OTUD1: variants seen among roughly 807,000 people sequenced by gnomAD.
The protein encoded by OTUD1 is OTU domain-containing protein 1.
Under a neutral mutation model 30.0 loss-of-function variants are expected in OTUD1, and 15 were observed. The observed-to-expected ratio is 0.50, with a 90% CI of 0.33 to 0.77. OTUD1 has a LOEUF of 0.77. Ranked by LOEUF, OTUD1 falls within the 30% of genes least tolerant of loss-of-function variation. The probability of loss-of-function intolerance (pLI) is 0.02; values close to 1 mark genes in which losing one functional copy is unlikely to be tolerated. For missense variants in OTUD1, 796 were observed against 697.8 expected (o/e 1.14, Z -1.59); for synonymous variants, 381 against 326.3 (o/e 1.17, Z -1.81).
Position 23,439,962 on chromosome 10 carries a change from G to A in OTUD1, c.505G>A (p.Glu169Lys), listed in dbSNP as rs1847108996. The A allele has an allele frequency of 1.6e-6, 2 of 1,277,510 alleles. No homozygotes were observed. Among genetic ancestry groups the A allele is most frequent in the East Asian group, 6.4e-5 (2 of 31,412 alleles). 79.1% of individuals were successfully genotyped at this position (1,277,510 alleles called of 1,614,324 possible). The change falls in exon 1 of 1, where the codon GAG becomes AAG. Residue 169 changes from glutamate to lysine, a missense_variant. Transcript: ENST00000376495. Reference sequence around the variant, plus strand: ...GCGGGGCTCCTCGGCCTGGCTCCTGGAGGAGCTGCTGCGGCCCGACTGCCC... The same window carrying A: ...GCGGGGCTCCTCGGCCTGGCTCCTGAAGGAGCTGCTGCGGCCCGACTGCCC... The part of the protein sequence containing the change: ...PRRGSSAWLL[E>K]ELLRPDCPEP...
Position 23,439,751 on chromosome 10 carries a change from G to T in OTUD1, c.294G>T (p.Ala98=), listed in dbSNP as rs1208169382. The T allele has an allele frequency of 1.7e-6, 2 of 1,163,920 alleles. No homozygotes were observed. The highest frequency in any genetic ancestry group is 1.7e-5 in the African/African-American group (1 of 60,598). 72.1% of individuals were successfully genotyped at this position (1,163,920 alleles called of 1,614,324 possible). ...PASAAAGPPG[A]SCKPPLPPHY... ...CCGCCGCCGCCGGCCCGCCCGGCGC[G>T]TCCTGCAAGCCGCCGCTGCCGCCGC... The change falls in exon 1 of 1, where the codon GCG becomes GCT. Residue 98 remains alanine, a synonymous_variant. Transcript: ENST00000376495.
In OTUD1 at chr10:23,439,543, C is replaced by G; in HGVS notation, c.86C>G (p.Ala29Gly). The change falls in exon 1 of 1, where the codon GCT becomes GGT. Residue 29 changes from alanine (A) to glycine (G), a missense_variant. Physicochemically the swap from Ala to Gly is moderately conservative, Grantham distance 60. Coordinates refer to ENST00000376495, the MANE Select transcript of OTUD1 (RefSeq NM_001145373.3). ...TAAAPAPPAA[A>G]TPFKVSLQPP... is the part of the protein sequence containing the mutation. Reference sequence around the variant, plus strand: ...GCCGCCCCCGCGCCACCCGCCGCCGCTACCCCCTTCAAGGTCTCGCTGCAG... The same window carrying G: ...GCCGCCCCCGCGCCACCCGCCGCCGGTACCCCCTTCAAGGTCTCGCTGCAG... 2 of 1,381,798 alleles carry G rather than the reference C, an allele frequency of 1.4e-6. No homozygotes were observed. The highest frequency in any genetic ancestry group is 1.9e-6 in the Non-Finnish European group (2 of 1,066,276). The allele number at this position is 1,381,798 out of a possible 1,614,324, so 85.6% of individuals were successfully genotyped here.
rs1272569550 is a variant in OTUD1, at chr10:23,440,966, A to T, written c.*63A>T. On this transcript the variant is annotated 3_prime_UTR_variant, in exon 1 of 1. Transcript: ENST00000376495. Reference sequence around the variant, plus strand: ...ATATAACTTGTGTTTGGAGAATCACATGAACTTTAATCAGGGTAATAGCAC... The same window carrying T: ...ATATAACTTGTGTTTGGAGAATCACTTGAACTTTAATCAGGGTAATAGCAC... 1.4e-5 allele frequency: 21 copies of T among 1,469,966 alleles called. No homozygotes were observed. Among genetic ancestry groups the T allele is most frequent in the Non-Finnish European group, 1.8e-5 (20 of 1,096,244 alleles). 91.1% of individuals were successfully genotyped at this position (1,469,966 alleles called of 1,614,324 possible). A position where few individuals can be genotyped will look rare whatever the true frequency, so the allele number is the denominator to read the frequency against.
rs1489779395 is a variant in OTUD1 at position 23,440,616 on chromosome 10, A to T, written c.1159A>T (p.Met387Leu). Residue 387 changes from methionine (M) to leucine (L), a missense_variant, in exon 1 of 1, where the codon ATG becomes TTG. Physicochemically the swap from Met to Leu is conservative, Grantham distance 15 (BLOSUM62 2). Coordinates refer to ENST00000376495, the MANE Select transcript of OTUD1 (RefSeq NM_001145373.3). ...GYPELLAMGQ[M>L]LNVNIHLTTG... is the part of the protein sequence containing the mutation. The stretch of plus-strand genomic sequence containing the variant: ...CCCGGAGTTGCTGGCCATGGGGCAG[A>T]TGCTGAATGTGAATATCCATTTAAC... 6 of 1,551,642 alleles carry T rather than the reference A, an allele frequency of 3.9e-6. No homozygotes were observed. In the Admixed American group the frequency reaches 1.2e-4, roughly 30 times the overall value.
Position 23,440,291 on chromosome 10 carries a change from G to T in OTUD1, c.834G>T (p.Val278=). Residue 278 remains valine (V), a synonymous_variant, in exon 1 of 1, where the codon GTG becomes GTT. Coordinates refer to ENST00000376495, the MANE Select transcript of OTUD1 (RefSeq NM_001145373.3). Reference sequence around the variant, plus strand: ...CCCCGAGTAGTGCGGCGGAGCCGGTGATCGTCTCCAGGTCGGATCCCAGAG... The same window carrying T: ...CCCCGAGTAGTGCGGCGGAGCCGGTTATCGTCTCCAGGTCGGATCCCAGAG... The part of the protein sequence containing the change: ...EAAPSSAAEP[V]IVSRSDPRDE... The T allele has an allele frequency of 1.3e-6, 2 of 1,550,286 alleles. No homozygotes were observed. The highest frequency in any genetic ancestry group is 4.9e-5 in the East Asian group (2 of 40,918).
rs1332134209 is a variant in OTUD1, at chr10:23,440,214, C to G, written c.757C>G (p.Arg253Gly). The G allele has an allele frequency of 1.3e-6, 2 of 1,502,182 alleles. No homozygotes were observed. The highest frequency in any genetic ancestry group is 1.8e-6 in the Non-Finnish European group (2 of 1,123,700). 93.1% of individuals were successfully genotyped at this position (1,502,182 alleles called of 1,614,324 possible). The change falls in exon 1 of 1, where the codon CGG becomes GGG. Residue 253 changes from arginine to glycine, a missense_variant. Physicochemically the swap from Arg to Gly is moderately radical, Grantham distance 125. Transcript: ENST00000376495. ...RCDAPGGDAA[R>G]RPDPEAEAPP... is the part of the protein sequence containing the mutation. ...CGACGCGCCCGGTGGGGACGCGGCG[C>G]GGAGGCCCGACCCAGAGGCCGAGGC...
At position 23,441,777 on chromosome 10, in the gene OTUD1, CAAGAT is replaced by C. The variant is rs1847131849; in HGVS notation, c.*878_*882del. On this transcript the variant is annotated 3_prime_UTR_variant, in exon 1 of 1. Coordinates refer to ENST00000376495, the MANE Select transcript of OTUD1 (RefSeq NM_001145373.3). ...GTTAACATGGTATAAAACTCTGTGA[CAAGAT>C]AAGCCTCCTGCTTTATATAACTTCT... 1 of 167,014 alleles carries C rather than the reference CAAGAT, an allele frequency of 6.0e-6. No individual in the cohort carries two copies. The highest frequency in any genetic ancestry group is 2.1e-4 in the South Asian group (1 of 4,832). The allele number at this position is 167,014 out of a possible 1,614,324, so 10.3% of individuals were successfully genotyped here. A position where few individuals can be genotyped will look rare whatever the true frequency, so the allele number is the denominator to read the frequency against.
chr10:23,439,612 A>G lies in OTUD1; in HGVS notation c.155A>G (p.Glu52Gly), dbSNP rs1422260730. 7.7e-7 allele frequency: 1 copy of G among 1,304,460 alleles called. No individual in the cohort carries two copies. Among genetic ancestry groups the G allele is most frequent in the Non-Finnish European group, 9.8e-7 (1 of 1,025,374 alleles). The allele number at this position is 1,304,460 out of a possible 1,614,324, so 80.8% of individuals were successfully genotyped here. A position where few individuals can be genotyped will look rare whatever the true frequency, so the allele number is the denominator to read the frequency against. ...GCCGCGCCCGAGCCCGAGACCGGTGAGTGCCAGCCCGCCGCGGCCGCCGAG... is the reference window on the plus strand; with the variant it reads ...GCCGCGCCCGAGCCCGAGACCGGTGGGTGCCAGCCCGCCGCGGCCGCCGAG... ...AGAAPEPETG[E>G]CQPAAAAEHR... The change falls in exon 1 of 1, where the codon GAG becomes GGG. Residue 52 changes from glutamate (E) to glycine (G), a missense_variant. Physicochemically the swap from Glu to Gly is moderately conservative, Grantham distance 98. Coordinates refer to ENST00000376495, the MANE Select transcript of OTUD1 (RefSeq NM_001145373.3).
chr10:23,441,077 C>A lies in OTUD1; in HGVS notation c.*174C>A. On this transcript the variant is annotated 3_prime_UTR_variant, in exon 1 of 1. Coordinates refer to ENST00000376495, the MANE Select transcript of OTUD1 (RefSeq NM_001145373.3). Reference sequence around the variant, plus strand: ...TTTCTCAGAGCTGGAGGTTGCTGGGCACCTAAATGATGTTTCATGATAGCT... The same window carrying A: ...TTTCTCAGAGCTGGAGGTTGCTGGGAACCTAAATGATGTTTCATGATAGCT... The A allele has an allele frequency of 1.4e-6, 1 of 702,748 alleles. No individual in the cohort carries two copies. Among genetic ancestry groups the A allele is most frequent in the Non-Finnish European group, 2.3e-6 (1 of 425,728 alleles). 43.5% of individuals were successfully genotyped at this position (702,748 alleles called of 1,614,324 possible). A position where few individuals can be genotyped will look rare whatever the true frequency, so the allele number is the denominator to read the frequency against.
Position 23,440,911 on chromosome 10 carries a change from C to G in OTUD1, c.*8C>G, listed in dbSNP as rs1847120760. 1.3e-6 allele frequency: 2 copies of G among 1,545,252 alleles called. No individual in the cohort carries two copies. The highest frequency in any genetic ancestry group is 4.0e-5 in the Admixed American group (2 of 50,394). Reference sequence around the variant, plus strand: ...CAAAATGCATGCTCTTGAAATGTCTCAAAACCTTACACCCTGGGAATAATT... The same window carrying G: ...CAAAATGCATGCTCTTGAAATGTCTGAAAACCTTACACCCTGGGAATAATT... On this transcript the variant is annotated 3_prime_UTR_variant, in exon 1 of 1. Transcript: ENST00000376495.
rs552757211 is a variant in OTUD1, at chr10:23,440,738, C to T, written c.1281C>T (p.Leu427=). 8.8e-5 allele frequency: 137 copies of T among 1,552,064 alleles called. 2 individuals carry two copies. In the South Asian group the frequency reaches 1.6e-3, roughly 18 times the overall value. Residue 427 remains leucine (L), a synonymous_variant, in exon 1 of 1, where the codon CTC becomes CTT. Transcript: ENST00000376495. The stretch of plus-strand genomic sequence containing the variant: ...GGCCTAGTATTTGGCTCAGTTGGCT[C>T]AGTAACGGACACTATGATGCTGTAT... ...SLRPSIWLSW[L]SNGHYDAVFD...
Position 23,440,346 on chromosome 10 carries a change from G to A in OTUD1, c.889G>A (p.Val297Met), listed in dbSNP as rs1382897719. 3 of 1,551,266 alleles carry A rather than the reference G, an allele frequency of 1.9e-6. No individual in the cohort carries two copies. The Admixed American group carries it at 5.9e-5, about 30-fold the overall frequency. ...GAAGCTGGCCCTATACCTGGCCGAGGTGGAGAAGCAGGACAAGTATCTGCG... is the reference window on the plus strand; with the variant it reads ...GAAGCTGGCCCTATACCTGGCCGAGATGGAGAAGCAGGACAAGTATCTGCG... ...DEKLALYLAE[V>M]EKQDKYLRQR... The change falls in exon 1 of 1, where the codon GTG (valine) becomes ATG (methionine). Residue 297 changes from valine to methionine, a missense_variant. Coordinates refer to ENST00000376495, the MANE Select transcript of OTUD1 (RefSeq NM_001145373.3).
In OTUD1 at chr10:23,439,341, C is replaced by G; in HGVS notation, c.-117C>G. Reference sequence around the variant, plus strand: ...GCGGCCGGCTGCCTTTCGCTCATCTCTATTCTGGGGCCGTTGGGTCACCGC... The same window carrying G: ...GCGGCCGGCTGCCTTTCGCTCATCTGTATTCTGGGGCCGTTGGGTCACCGC... On this transcript the variant is annotated 5_prime_UTR_variant, in exon 1 of 1. Coordinates refer to ENST00000376495, the MANE Select transcript of OTUD1 (RefSeq NM_001145373.3). The G allele has an allele frequency of 1.1e-6, 1 of 948,554 alleles. No individual in the cohort carries two copies. The highest frequency in any genetic ancestry group is 1.4e-6 in the Non-Finnish European group (1 of 736,556). The allele number at this position is 948,554 out of a possible 1,614,324, so 58.8% of individuals were successfully genotyped here.
rs1184939839 is a variant in OTUD1, at chr10:23,442,149, A to T, written c.*1246A>T. 6.0e-6 allele frequency: 1 copy of T among 167,106 alleles called. No homozygotes were observed. The highest frequency in any genetic ancestry group is 2.4e-5 in the African/African-American group (1 of 41,470). 10.4% of individuals were successfully genotyped at this position (167,106 alleles called of 1,614,324 possible). A position where few individuals can be genotyped will look rare whatever the true frequency, so the allele number is the denominator to read the frequency against. On this transcript the variant is annotated 3_prime_UTR_variant, in exon 1 of 1. Transcript: ENST00000376495. ...GAGCAATTCCCAGCTGATGGAATGA[A>T]TGAATAAAATGCAAAATTATACTTT... is the stretch of plus-strand genomic sequence containing the variant.
In OTUD1 at chr10:23,440,192, C is replaced by T. The variant is rs781148393; in HGVS notation, c.735C>T (p.Asp245=). ...RGWERGGDRC[D]APGGDAARRP... The stretch of plus-strand genomic sequence containing the variant: ...GGGAGAGGGGCGGCGATCGCTGCGA[C>T]GCGCCCGGTGGGGACGCGGCGCGGA... Residue 245 remains aspartate (D), a synonymous_variant, in exon 1 of 1, where the codon GAC becomes GAT. Transcript: ENST00000376495. 2.7e-6 allele frequency: 4 copies of T among 1,463,778 alleles called. No individual in the cohort carries two copies. Among genetic ancestry groups the T allele is most frequent in the Non-Finnish European group, 3.6e-6 (4 of 1,109,256 alleles). 90.7% of individuals were successfully genotyped at this position (1,463,778 alleles called of 1,614,324 possible).
chr10:23,440,364 T>C lies in OTUD1; in HGVS notation c.907T>C (p.Tyr303His). Reference sequence around the variant, plus strand: ...GGCCGAGGTGGAGAAGCAGGACAAGTATCTGCGGCAGAGGAATAAGTACCG... The same window carrying C: ...GGCCGAGGTGGAGAAGCAGGACAAGCATCTGCGGCAGAGGAATAAGTACCG... ...YLAEVEKQDKYLRQRNKYRFH... is the reference protein window; with the variant it reads ...YLAEVEKQDKHLRQRNKYRFH... The change falls in exon 1 of 1, where the codon TAT becomes CAT. Residue 303 changes from tyrosine to histidine, a missense_variant. Physicochemically the swap from Tyr to His is moderately conservative, Grantham distance 83. Coordinates refer to ENST00000376495, the MANE Select transcript of OTUD1 (RefSeq NM_001145373.3). 1 of 1,551,490 alleles carries C rather than the reference T, an allele frequency of 6.4e-7. No homozygotes were observed. Among genetic ancestry groups the C allele is most frequent in the Non-Finnish European group, 8.7e-7 (1 of 1,146,952 alleles).
Position 23,440,060 on chromosome 10 carries a change from C to T in OTUD1, c.603C>T (p.Ala201=), listed in dbSNP as rs756913920. 9 of 1,452,404 alleles carry T rather than the reference C, an allele frequency of 6.2e-6. No individual in the cohort carries two copies. In the South Asian group the frequency reaches 8.1e-5, roughly 13 times the overall value. 90.0% of individuals were successfully genotyped at this position (1,452,404 alleles called of 1,614,324 possible). A position where few individuals can be genotyped will look rare whatever the true frequency, so the allele number is the denominator to read the frequency against. The change falls in exon 1 of 1, where the codon GCC becomes GCT. Residue 201 remains alanine (A), a synonymous_variant. Transcript: ENST00000376495. ...TCCGACTGAGCGAGCACCGCCAGGC[C>T]CTGGCCGCCGCCAAGCACCGAGGCC... ...RNFRLSEHRQ[A]LAAAKHRGPA...
Position 23,440,469 on chromosome 10 carries a change from G to A in OTUD1, c.1012G>A (p.Glu338Lys). Residue 338 changes from glutamate (E) to lysine (K), a missense_variant, in exon 1 of 1, where the codon GAG (glutamate) becomes AAG (lysine). Coordinates refer to ENST00000376495, the MANE Select transcript of OTUD1 (RefSeq NM_001145373.3). ...TVYGDQSLHR[E>K]LREQTVHYIA... ...GTATGGGGACCAGAGCCTGCACCGG[G>A]AGTTGAGGGAGCAGACGGTGCACTA... The A allele has an allele frequency of 1.3e-6, 2 of 1,551,736 alleles. No individual in the cohort carries two copies. Among genetic ancestry groups the A allele is most frequent in the Non-Finnish European group, 1.7e-6 (2 of 1,147,010 alleles).
In OTUD1 at chr10:23,441,569, T is replaced by G. The variant is rs911718712; in HGVS notation, c.*666T>G. The G allele has an allele frequency of 1.3e-5, 2 of 151,936 alleles. No individual in the cohort carries two copies. The highest frequency in any genetic ancestry group is 2.0e-4 in the East Asian group (1 of 4,894). 9.4% of individuals were successfully genotyped at this position (151,936 alleles called of 1,614,324 possible). A position where few individuals can be genotyped will look rare whatever the true frequency, so the allele number is the denominator to read the frequency against. Reference sequence around the variant, plus strand: ...GTTGTGGGAAGGTGTTTTTTTGTGTTTTTTTTTTGGTTTTTGTTTTGTTTT... The same window carrying G: ...GTTGTGGGAAGGTGTTTTTTTGTGTGTTTTTTTTGGTTTTTGTTTTGTTTT... On this transcript the variant is annotated 3_prime_UTR_variant, in exon 1 of 1. Coordinates refer to ENST00000376495, the MANE Select transcript of OTUD1 (RefSeq NM_001145373.3).
Sources: allele counts gnomAD v4.1 joint callset, GRCh38; gene constraint gnomAD v4.1.1; transcripts MANE v1.5; gene names NCBI Gene and HGNC (gene_info 2026-07-23, HGNC 2026-07-21).